The following ANK2 variants were observed in gnomAD, a reference collection of about 807,000 sequenced individuals.
ANK2 encodes the protein ankyrin-2.
ANK2 carries 83 observed loss-of-function variants against 360.5 expected under a neutral mutation model. That is an observed-to-expected ratio of 0.23 (90% confidence interval 0.19 to 0.28). ANK2 has a LOEUF of 0.28. Among genes scored for constraint, ANK2 ranks in the 10% least tolerant of loss-of-function variants. The probability of loss-of-function intolerance (pLI) is 1.00; values close to 1 mark genes in which losing one functional copy is unlikely to be tolerated. For missense variants in ANK2, 4,201 were observed against 4,795.7 expected (o/e 0.88, Z 3.66); for synonymous variants, 1,740 against 1,759.5 (o/e 0.99, Z 0.28).
chr4:113,123,752 T>A (rs1329467808), intron 1 of ANK2, among the ~76,000 whole-genome samples: 1 of 152,156 alleles, frequency 6.6e-6, no homozygotes, highest in African/African-American at 2.4e-5. Flanking sequence ...GCTCCCTTGG[T>A]GATTCCAACC....
At chr4:112,715,944 TAAAC>T in the ANK2 span, among the ~76,000 whole-genome samples, 3 of 152,126 alleles carry the variant, frequency 2.0e-5, no homozygotes, top group African/African-American at 7.2e-5. Context: ...AATGAATAAA[TAAAC>T]AATAAAATGT....
intron 1 of ANK2, among the ~76,000 whole-genome samples, chr4:113,058,385 C>T (rs1302742706): frequency 6.6e-6 from 1 of 151,930 alleles, no homozygotes; most frequent in Non-Finnish European, 1.5e-5. Context: ...ATAATGGTTA[C>T]TGTAATTCTA....
In ANK2 at chr4:113,196,376, C is replaced by G; in HGVS notation, c.195C>G (p.Leu65=). 1 of 1,613,430 alleles carries G rather than the reference C, an allele frequency of 6.2e-7. No homozygotes were observed. The highest frequency in any genetic ancestry group is 8.5e-7 in the Non-Finnish European group (1 of 1,179,820). ...TTTGTTTCTTCTCTCAGAATGGACT[C>G]AACGCTCTCCATCTGGCTGCCAAGG... ...IDINTCNQNG[L]NALHLAAKEG... Residue 65 remains leucine, a synonymous_variant, in exon 3 of 46, where the codon CTC becomes CTG. Transcript: ENST00000357077.
chr4:112,858,466 G>A (rs1465904757), intron 1 of ANK2, among the ~76,000 whole-genome samples: 4 of 152,130 alleles, frequency 2.6e-5, no homozygotes, highest in African/African-American at 9.7e-5. Flanking sequence ...GAGAGTTAAG[G>A]TATCTGTAGT....
chr4:113,219,034 G>A (rs919653527), intron 4 of ANK2, among the ~76,000 whole-genome samples: 3 of 152,106 alleles, frequency 2.0e-5, no homozygotes, highest in Non-Finnish European at 4.4e-5. Flanking sequence ...AAAGTAGTCA[G>A]CATTTTTGCT....
chr4:113,114,551 A>G (rs973283727), intron 1 of ANK2, among the ~76,000 whole-genome samples: 3 of 95,368 alleles, frequency 3.1e-5, no homozygotes, highest in Non-Finnish European at 7.2e-5. Flanking sequence ...GACTCTGTTA[A>G]CCATCCCTAA....
chr4:113,119,041 A>G (rs1354481052), intron 1 of ANK2, among the ~76,000 whole-genome samples: 1 of 152,190 alleles, frequency 6.6e-6, no homozygotes, highest in Non-Finnish European at 1.5e-5. Context: ...TACTGTTAAA[A>G]TAAAAGGTGC....
intron 2 of ANK2, among the ~76,000 whole-genome samples, chr4:112,990,103 C>T (rs1056620290): frequency 6.6e-6 from 1 of 151,940 alleles, no homozygotes; most frequent in Non-Finnish European, 1.5e-5. Flanking sequence ...GACCCCGTCT[C>T]TACAAAAAAA....
At chr4:113,317,635 G>T in intron 24 of ANK2, 72 bp from the exon 25 acceptor site, 1 of 1,160,878 alleles carries the variant, frequency 8.6e-7, no homozygotes, top group Non-Finnish European at 1.3e-6. Context: ...TCTCCTGCTC[G>T]GCTCATCATT....
the ANK2 span, among the ~76,000 whole-genome samples, chr4:112,804,084 T>C: frequency 6.6e-6 from 1 of 151,724 alleles, no homozygotes; most frequent in African/African-American, 2.4e-5. Context: ...AGTGGCGCGA[T>C]CTCGGCTCAC....
Position 113,363,488 on chromosome 4 carries a change from G to A in ANK2, c.10888+19G>A, listed in dbSNP as rs763519880. The A allele has an allele frequency of 2.5e-6, 4 of 1,612,896 alleles. No homozygotes were observed. Among genetic ancestry groups the A allele is most frequent in the Admixed American group, 1.7e-5 (1 of 59,972 alleles). On this transcript the variant is annotated intron_variant, in intron 40 of 45. Coordinates refer to ENST00000357077, the MANE Select transcript of ANK2 (RefSeq NM_001148.6). Reference sequence around the variant, plus strand: ...GCTACAGGTAAGTGGGGAACTATATGCATATTGGGCTAAAGTTGGACATGT... The same window carrying A: ...GCTACAGGTAAGTGGGGAACTATATACATATTGGGCTAAAGTTGGACATGT...
chr4:113,170,859 C>T (rs1417696968), intron 1 of ANK2, among the ~76,000 whole-genome samples: 1 of 152,114 alleles, frequency 6.6e-6, no homozygotes, highest in Non-Finnish European at 1.5e-5. Context: ...ATAAAGGGGG[C>T]AAGTTTTAAT....
intron 4 of ANK2, among the ~76,000 whole-genome samples, chr4:113,219,339 TACA>T (rs574440121): frequency 6.4e-4 from 98 of 152,164 alleles, no homozygotes; most frequent in Non-Finnish European, 1.0e-3. Context: ...ACAAATTGGG[TACA>T]ACAACTGTAA....
chr4:112,842,876 T>A (rs1251279217), intron 1 of ANK2, among the ~76,000 whole-genome samples: 1 of 152,224 alleles, frequency 6.6e-6, no homozygotes, highest in African/African-American at 2.4e-5. Flanking sequence ...AAGTCCCAAA[T>A]GGGTTTCACT....
the ANK2 span, among the ~76,000 whole-genome samples, chr4:112,745,397 G>A: frequency 6.6e-6 from 1 of 152,050 alleles, no homozygotes. Context: ...AAGGTAAATG[G>A]GGTATCCATC....
the ANK2 span, among the ~76,000 whole-genome samples, chr4:112,724,780 T>C: frequency 6.6e-6 from 1 of 152,198 alleles, no homozygotes; most frequent in Non-Finnish European, 1.5e-5. Flanking sequence ...AGCTGCTCTA[T>C]GATCTAGCAG....
Position 113,158,263 on chromosome 4 carries a change from C to G in ANK2, c.85-16153C>G, listed in dbSNP as rs141140222. 5.3e-5 allele frequency among the ~76,000 whole-genome samples: 8 copies of G among 152,280 alleles called. No individual in the cohort carries two copies. In the East Asian group the frequency reaches 1.5e-3, roughly 29 times the overall value. On this transcript the variant is annotated intron_variant, in intron 1 of 45. Transcript: ENST00000357077. Reference sequence around the variant, plus strand: ...AAAATGAAGAATTGCCTTGCTTGCTCAATGCACCTTTTAGCAAGTGTTTAT... The same window carrying G: ...AAAATGAAGAATTGCCTTGCTTGCTGAATGCACCTTTTAGCAAGTGTTTAT...
At chr4:113,285,024 T>C (rs2063826100) in intron 18 of ANK2, among the ~76,000 whole-genome samples, 1 of 152,110 alleles carries the variant, frequency 6.6e-6, no homozygotes. Context: ...ACACCATCTA[T>C]CATAAAATAA....
intron 14 of ANK2, among the ~76,000 whole-genome samples, chr4:113,270,735 G>A (rs1441224245): frequency 6.6e-6 from 1 of 152,170 alleles, no homozygotes; most frequent in Non-Finnish European, 1.5e-5. Context: ...CACCCTGCTA[G>A]AATGCATATT....
Sources: allele counts gnomAD v4.1 joint callset (sites outside exome capture counted in the v4.1 genomes callset), GRCh38; gene constraint gnomAD v4.1.1; transcripts MANE v1.5; gene names NCBI Gene and HGNC (gene_info 2026-07-23, HGNC 2026-07-21).